The following IQSEC1 variants were observed in gnomAD, a reference collection of about 807,000 sequenced individuals.
IQSEC1 encodes the protein IQ motif and SEC7 domain-containing protein 1.
In IQSEC1, 31 loss-of-function variants were observed where a neutral mutation model predicts 91.0. The ratio of observed to expected loss-of-function variants is 0.34; its 90% CI spans 0.26 to 0.46. The LOEUF (loss-of-function observed/expected upper bound fraction) is 0.46, where lower values mean the gene tolerates loss of function less well. Among genes scored for constraint, IQSEC1 ranks in the 20% least tolerant of loss-of-function variants. IQSEC1 has a pLI of 1.00. For synonymous variants in IQSEC1, 699 were observed against 662.6 expected, an observed-to-expected ratio of 1.05 and a Z score of -0.84; for missense variants, 1,388 against 1,575.6, an observed-to-expected ratio of 0.88 and a Z score of 2.02.
chr3:13,260,513 C>T (rs1238181973), intron 1 of IQSEC1, among the ~76,000 whole-genome samples: 1 of 152,178 alleles, frequency 6.6e-6, no homozygotes, highest in Non-Finnish European at 1.5e-5. Flanking sequence ...TTGATCAAAA[C>T]AGGTGCATCT....
chr3:13,170,731 C>A (rs767648780), intron 1 of IQSEC1, among the ~76,000 whole-genome samples: 4 of 152,188 alleles, frequency 2.6e-5, no homozygotes, highest in Admixed American at 6.5e-5. Flanking sequence ...GACACGGCAG[C>A]CAGCTATTAG....
intron 2 of IQSEC1, among the ~76,000 whole-genome samples, chr3:13,117,188 T>A (rs1414831455): frequency 7.1e-6 from 1 of 141,636 alleles, no homozygotes; most frequent in Non-Finnish European, 1.5e-5. Flanking sequence ...ACAAAAAAGA[T>A]ACACAAATGG....
At chr3:13,052,499 G>A (rs924325491) in intron 1 of IQSEC1, among the ~76,000 whole-genome samples, 3 of 152,208 alleles carry the variant, frequency 2.0e-5, no homozygotes, top group South Asian at 4.1e-4. Flanking sequence ...TAGGACTGCC[G>A]CAAGTGTTCT....
chr3:12,943,740 C>T lies in IQSEC1; in HGVS notation c.24-1875G>A, dbSNP rs183572158. Reference sequence around the variant, plus strand: ...CCCCAGTGCCCAGTGCAGAATGTGACGTCTCCGGCTCCCGTGAAGCCTGGA... The same window carrying T: ...CCCCAGTGCCCAGTGCAGAATGTGATGTCTCCGGCTCCCGTGAAGCCTGGA... On this transcript the variant is annotated intron_variant, in intron 1 of 13. Coordinates refer to ENST00000613206, the MANE Select transcript of IQSEC1 (RefSeq NM_001134382.3). 5.5e-3 allele frequency among the ~76,000 whole-genome samples: 838 copies of T among 152,362 alleles called. 7 individuals carry two copies. The highest frequency in any genetic ancestry group is 0.019 in the African/African-American group (795 of 41,592).
At chr3:13,166,132 C>T (rs1165285157) in intron 1 of IQSEC1, among the ~76,000 whole-genome samples, 1 of 152,250 alleles carries the variant, frequency 6.6e-6, no homozygotes, top group Non-Finnish European at 1.5e-5. Context: ...ATGGATTCAG[C>T]AGGACAGAAC....
chr3:13,163,283 T>C (rs565978756), intron 2 of IQSEC1, among the ~76,000 whole-genome samples: 1 of 152,044 alleles, frequency 6.6e-6, no homozygotes, highest in South Asian at 2.1e-4. Flanking sequence ...GGACATCTCA[T>C]CTCCCCAGCC....
At chr3:13,109,746 C>T (rs12637752) in intron 2 of IQSEC1, among the ~76,000 whole-genome samples, 10,298 of 151,900 alleles carry the variant, frequency 0.068, 458 homozygotes, top group East Asian at 0.17. Context: ...GAGCAGATGC[C>T]ACCATGCTTC....
At chr3:13,041,457 G>T (rs199648045) in intron 1 of IQSEC1, among the ~76,000 whole-genome samples, 1 of 152,218 alleles carries the variant, frequency 6.6e-6, no homozygotes, top group East Asian at 1.9e-4. Flanking sequence ...TTGCTCGTAT[G>T]CTAATGGCCG....
chr3:13,039,993 T>C (rs2125036095), intron 1 of IQSEC1, among the ~76,000 whole-genome samples: 1 of 152,362 alleles, frequency 6.6e-6, no homozygotes, highest in African/African-American at 2.4e-5. Flanking sequence ...GAATCATGAC[T>C]CCACTTCGTG....
In IQSEC1 at chr3:13,037,980, T is replaced by G. The variant is rs975025928; in HGVS notation, c.23+35012A>C. On this transcript the variant is annotated intron_variant, in intron 1 of 13. Transcript: ENST00000613206. Reference sequence around the variant, plus strand: ...TACTTAATGCCACTGAATTGTACAATGGTTAAGATGGTGGATTTTAATTCT... The same window carrying G: ...TACTTAATGCCACTGAATTGTACAAGGGTTAAGATGGTGGATTTTAATTCT... Among the ~76,000 whole-genome samples, 3 of 152,142 alleles carry G rather than the reference T, an allele frequency of 2.0e-5. No homozygotes were observed. In the East Asian group the frequency reaches 5.8e-4, roughly 29 times the overall value.
intron 1 of IQSEC1, among the ~76,000 whole-genome samples, chr3:13,249,167 CTTTTT>C (rs60976247): frequency 2.8e-5 from 3 of 106,722 alleles, no homozygotes; most frequent in African/African-American, 7.3e-5. Flanking sequence ...GAAGGAATTT[CTTTTT>C]TTTTTTTTTT....
intron 1 of IQSEC1, among the ~76,000 whole-genome samples, chr3:12,990,202 T>C (rs372590758): frequency 1.3e-5 from 2 of 152,326 alleles, no homozygotes; most frequent in South Asian, 4.1e-4. Flanking sequence ...AAATAAATCA[T>C]TGGCTGTGGG....
intron 1 of IQSEC1, among the ~76,000 whole-genome samples, chr3:13,027,235 G>A (rs948165657): frequency 6.6e-6 from 1 of 152,200 alleles, no homozygotes; most frequent in Non-Finnish European, 1.5e-5. Context: ...TGGGCTCCCA[G>A]CCTCCCAGGC....
chr3:12,964,134 C>T (rs1700411490), intron 1 of IQSEC1, among the ~76,000 whole-genome samples: 1 of 152,216 alleles, frequency 6.6e-6, no homozygotes, highest in East Asian at 1.9e-4. Context: ...ACCATAAATG[C>T]CATCAATTTC....
intron 2 of IQSEC1, among the ~76,000 whole-genome samples, chr3:13,122,124 C>T (rs377479867): frequency 6.7e-6 from 1 of 149,810 alleles, no homozygotes; most frequent in Admixed American, 6.7e-5. Flanking sequence ...TGCCCACCCC[C>T]GAAGGGGCCG....
intron 12 of IQSEC1, among the ~76,000 whole-genome samples, chr3:12,906,518 G>C (rs1011661282): frequency 6.6e-6 from 1 of 152,222 alleles, no homozygotes; most frequent in Non-Finnish European, 1.5e-5. Context: ...ACCTTTCGGG[G>C]TACAGGGGGG....
chr3:12,899,928 A>T lies in IQSEC1; in HGVS notation c.*1055T>A. 1.0e-6 allele frequency: 1 copy of T among 985,074 alleles called. No homozygotes were observed. Among genetic ancestry groups the T allele is most frequent in the East Asian group, 1.1e-4 (1 of 8,794 alleles). The allele number at this position is 985,074 out of a possible 1,614,324, so 61.0% of individuals were successfully genotyped here. A position where few individuals can be genotyped will look rare whatever the true frequency, so the allele number is the denominator to read the frequency against. ...CGTGTATGGGTGCCCCTCTCGGAGGACTCTGAATGAGTGTGCGTCAAATCA... is the reference window on the plus strand; with the variant it reads ...CGTGTATGGGTGCCCCTCTCGGAGGTCTCTGAATGAGTGTGCGTCAAATCA... On this transcript the variant is annotated 3_prime_UTR_variant, in exon 14 of 14. Coordinates refer to ENST00000613206, the MANE Select transcript of IQSEC1 (RefSeq NM_001134382.3).
At chr3:13,143,265 C>A (rs895385285) in intron 2 of IQSEC1, among the ~76,000 whole-genome samples, 3 of 152,180 alleles carry the variant, frequency 2.0e-5, no homozygotes, top group African/African-American at 7.2e-5. Flanking sequence ...AAGGAGCAGG[C>A]CTCGAAGCTG....
intron 1 of IQSEC1, among the ~76,000 whole-genome samples, chr3:12,990,076 C>A (rs192925048): frequency 6.6e-6 from 1 of 152,224 alleles, no homozygotes; most frequent in Non-Finnish European, 1.5e-5. Context: ...TAATGAAATG[C>A]TCCCATAATA....
Sources: allele counts gnomAD v4.1 joint callset (sites outside exome capture counted in the v4.1 genomes callset), GRCh38; gene constraint gnomAD v4.1.1; transcripts MANE v1.5; gene names NCBI Gene and HGNC (gene_info 2026-07-23, HGNC 2026-07-21).